The following LPIN1 variants were observed in gnomAD, a reference collection of about 807,000 sequenced individuals.
LPIN1 encodes the protein phosphatidate phosphatase LPIN1.
In LPIN1, 71 loss-of-function variants were observed where a neutral mutation model predicts 107.5. That is an observed-to-expected ratio of 0.66 (90% CI 0.55 to 0.80). LPIN1 has a LOEUF of 0.80. Ranked by LOEUF, LPIN1 falls within the 30% of genes least tolerant of loss-of-function variation. The pLI, the probability that LPIN1 is intolerant of heterozygous loss-of-function variation, is 0.00. For missense variants in LPIN1, 1,043 were observed against 1,160.6 expected, an observed-to-expected ratio of 0.90 and a Z score of 1.47; for synonymous variants, 445 against 452.6, an observed-to-expected ratio of 0.98 and a Z score of 0.21.
chr2:11,811,719 G>A (rs1679678738), intron 17 of LPIN1, among the ~76,000 whole-genome samples: 1 of 152,226 alleles, frequency 6.6e-6, no homozygotes, highest in Admixed American at 6.5e-5. Flanking sequence ...GGGCGCAGAG[G>A]CTCAGGCCTG....
intron 3 of LPIN1, among the ~76,000 whole-genome samples, chr2:11,770,349 T>C (rs1241982384): frequency 6.6e-6 from 1 of 152,186 alleles, no homozygotes; most frequent in Non-Finnish European, 1.5e-5. Flanking sequence ...TGCTGGAAGC[T>C]GGAGAGCCCG....
rs556361994 is a variant in LPIN1 at position 11,759,342 on chromosome 2, T to C, written c.-9-6191T>C. ...GAGGACCCTGGGGCCTTCCGCAGTGTTTGTGTCCCTGGGTACTTGAGATTA... is the reference window on the plus strand; with the variant it reads ...GAGGACCCTGGGGCCTTCCGCAGTGCTTGTGTCCCTGGGTACTTGAGATTA... On this transcript the variant is annotated intron_variant, in intron 1 of 20. Transcript: ENST00000674199. Among the ~76,000 whole-genome samples, 382 of 152,196 alleles carry C rather than the reference T, an allele frequency of 2.5e-3. 1 individual carries two copies. Among genetic ancestry groups the C allele is most frequent in the Non-Finnish European group, 3.9e-3 (264 of 68,004 alleles).
chr2:11,752,182 G>A (rs1210736519), intron 1 of LPIN1, among the ~76,000 whole-genome samples: 2 of 152,168 alleles, frequency 1.3e-5, no homozygotes, highest in African/African-American at 4.8e-5. Flanking sequence ...TGCCCCAAAA[G>A]ATGGGCATTG....
intron 1 of LPIN1, among the ~76,000 whole-genome samples, chr2:11,684,191 G>A (rs1461814551): frequency 6.6e-6 from 1 of 152,192 alleles, no homozygotes; most frequent in Non-Finnish European, 1.5e-5. Flanking sequence ...CCAGTGCCAA[G>A]GCTGCTTCTG....
At chr2:11,783,344 C>T (rs927117110) in intron 8 of LPIN1, among the ~76,000 whole-genome samples, 4 of 152,116 alleles carry the variant, frequency 2.6e-5, no homozygotes, top group African/African-American at 9.7e-5. Context: ...GTTTAGTGCT[C>T]AGTACACTTC....
At chr2:11,731,663 A>G (rs1288571389) in intron 1 of LPIN1, among the ~76,000 whole-genome samples, 1 of 152,212 alleles carries the variant, frequency 6.6e-6, no homozygotes, top group African/African-American at 2.4e-5. Flanking sequence ...CTCTTTCACA[A>G]TGGTTGAACT....
chr2:11,794,824 A>G (rs1244396531), intron 13 of LPIN1, among the ~76,000 whole-genome samples: 1 of 152,190 alleles, frequency 6.6e-6, no homozygotes, highest in African/African-American at 2.4e-5. Context: ...CACCCGTTTC[A>G]CAGATGAGGA....
At chr2:11,804,655 C>A in intron 16 of LPIN1, 84 bp downstream of exon 16, 1 of 1,425,894 alleles carries the variant, frequency 7.0e-7, no homozygotes, top group South Asian at 1.2e-5. Context: ...CACCTCTGCT[C>A]TCCTCATGGG....
intron 1 of LPIN1, among the ~76,000 whole-genome samples, chr2:11,725,880 T>A (rs561913258): frequency 6.6e-6 from 1 of 152,312 alleles, no homozygotes; most frequent in East Asian, 1.9e-4. Flanking sequence ...AGATTCAGCT[T>A]TCCTAAATCC....
intron 1 of LPIN1, among the ~76,000 whole-genome samples, chr2:11,686,258 G>T (rs552607502): frequency 6.6e-6 from 1 of 151,754 alleles, no homozygotes; most frequent in Admixed American, 6.6e-5. Flanking sequence ...CCCCGACCCC[G>T]CTTTTGGCAC....
chr2:11,802,307 A>AAT (rs1458459634), intron 14 of LPIN1, among the ~76,000 whole-genome samples: 1 of 152,200 alleles, frequency 6.6e-6, no homozygotes, highest in East Asian at 1.9e-4. Flanking sequence ...AAAAGTCTAG[A>AAT]AGAGTTAGGG....
At chr2:11,743,194 T>G (rs1048678059), upstream of LPIN1, among the ~76,000 whole-genome samples, 1 of 152,162 alleles carries the variant, frequency 6.6e-6, no homozygotes, top group Non-Finnish European at 1.5e-5. This position sits in a 1 kb window ranked among gnomAD's most constrained non-coding sequence, Gnocchi z 4.7. Flanking sequence ...TCCAAGATGC[T>G]CCTGTGTGTC....
intron 1 of LPIN1, among the ~76,000 whole-genome samples, chr2:11,713,265 A>G (rs148250629): frequency 2.6e-4 from 40 of 152,326 alleles, no homozygotes; most frequent in African/African-American, 9.1e-4. Context: ...CAAAGAAAAG[A>G]CACCACATTC....
chr2:11,795,581 A>C, intron 14 of LPIN1, 94 bp downstream of exon 14: 2 of 1,132,018 alleles, frequency 1.8e-6, no homozygotes, highest in Non-Finnish European at 2.7e-6. Context: ...TTCACCACAC[A>C]GTTCCAACTC....
At chr2:11,745,534 C>T (rs1345215694), upstream of LPIN1, among the ~76,000 whole-genome samples, 1 of 152,126 alleles carries the variant, frequency 6.6e-6, no homozygotes, top group Non-Finnish European at 1.5e-5. Context: ...CATAGGGAGA[C>T]CTGGTCTCTA....
chr2:11,824,568 C>T (rs1027719618), intron 20 of LPIN1, 64 bp from the exon 21 acceptor site: 9 of 1,559,720 alleles, frequency 5.8e-6, no homozygotes, highest in African/African-American at 5.5e-5. Context: ...TTGACTTCTA[C>T]GTGCAGCCCT....
At chr2:11,779,759 A>G in intron 7 of LPIN1, 114 bp downstream of exon 7, 1 of 1,259,300 alleles carries the variant, frequency 7.9e-7, no homozygotes, top group South Asian at 1.2e-5. Context: ...CCAGAGGTAA[A>G]CCAAAATATA....
chr2:11,729,834 CATTTTAATTTT>C (rs1243684871), intron 1 of LPIN1, among the ~76,000 whole-genome samples: 4 of 151,862 alleles, frequency 2.6e-5, no homozygotes, highest in African/African-American at 9.7e-5. Flanking sequence ...CATTTAAATT[CATTTTAATTTT>C]ATTTTAATTT....
At chr2:11,741,046 C>T (rs935190735) in intron 1 of LPIN1, 16 of 222,070 alleles carry the variant, frequency 7.2e-5, no homozygotes, top group East Asian at 6.6e-4. Flanking sequence ...AATTTGGGCA[C>T]GAAAGAGATC....
Sources: gnomAD v4.1 joint callset for allele counts (sites outside exome capture counted in the v4.1 genomes callset) on GRCh38, gnomAD v4.1.1 for gene constraint, Gnocchi (gnomAD v3.1) non-coding constraint, MANE v1.5 for transcripts, NCBI Gene and HGNC (gene_info 2026-07-23, HGNC 2026-07-21) for gene names.